Variants in HARS2 observed in about 807,000 individuals in gnomAD.
HARS2 encodes histidine--tRNA ligase, mitochondrial.
A neutral mutation model predicts 62.4 loss-of-function variants in HARS2; 40 were observed. The ratio of observed to expected loss-of-function variants is 0.64; its 90% confidence interval spans 0.50 to 0.83. The LOEUF is 0.83. HARS2 is among the 40% of genes least tolerant of loss of function. HARS2 has a pLI of 0.00. For synonymous variants in HARS2, 228 were observed against 227.0 expected (o/e 1.00, Z -0.04); for missense variants, 569 against 626.4 (o/e 0.91, Z 0.98).
chr5:140,698,382 G>A, intron 12 of HARS2, 111 bp from the exon 13 acceptor site: 1 of 888,350 alleles, frequency 1.1e-6, no homozygotes, highest in Non-Finnish European at 1.9e-6. Context: ...CTCCTTTCTG[G>A]TTGTATAAGT....
intron 12 of HARS2, 127 bp downstream of exon 12, chr5:140,698,205 T>G (rs926609820): frequency 1.0e-6 from 1 of 969,258 alleles, no homozygotes; most frequent in Non-Finnish European, 1.6e-6. Flanking sequence ...GAACAAACAC[T>G]CACTCAAGAT....
chr5:140,698,607 G>C lies in HARS2; in HGVS notation c.*55G>C. The C allele has an allele frequency of 1.5e-6, 2 of 1,329,914 alleles. No individual in the cohort carries two copies. The highest frequency in any genetic ancestry group is 2.2e-6 in the Non-Finnish European group (2 of 920,074). The allele number at this position is 1,329,914 out of a possible 1,614,324, so 82.4% of individuals were successfully genotyped here. On this transcript the variant is annotated 3_prime_UTR_variant, in exon 13 of 13. Transcript: ENST00000230771. ...TGTAGAAAAGGTTTCCTCTAGAACTGAATTCCTCTGGAATTGAGTGATGGA... is the reference window on the plus strand; with the variant it reads ...TGTAGAAAAGGTTTCCTCTAGAACTCAATTCCTCTGGAATTGAGTGATGGA...
rs977456832 is a variant in HARS2 at position 140,691,504 on chromosome 5, G to T, written c.-145G>T. The T allele has an allele frequency of 4.1e-6, 3 of 735,352 alleles. No individual in the cohort carries two copies. The highest frequency in any genetic ancestry group is 4.7e-6 in the Non-Finnish European group (2 of 424,508). 45.6% of individuals were successfully genotyped at this position (735,352 alleles called of 1,614,324 possible). ...TTGGGAGGATCCCACCTCAGCCTTC[G>T]TGACTAGTGAGGTGCGCAAACGCCC... is the stretch of plus-strand genomic sequence containing the variant. On this transcript the variant is annotated 5_prime_UTR_variant, in exon 1 of 13. Coordinates refer to ENST00000230771, the MANE Select transcript of HARS2 (RefSeq NM_012208.4).
At chr5:140,694,991 G>A (rs1759688200) in intron 4 of HARS2, among the ~76,000 whole-genome samples, 1 of 152,108 alleles carries the variant, frequency 6.6e-6, no homozygotes, top group African/African-American at 2.4e-5. Flanking sequence ...TTGTTGCCCA[G>A]GCTGGTTGTA....
intron 1 of HARS2, chr5:140,692,427 T>C (rs1169890111): frequency 1.3e-5 from 2 of 152,556 alleles, no homozygotes; most frequent in Non-Finnish European, 2.9e-5. Context: ...CACAGATCTT[T>C]TATTGATATT....
intron 12 of HARS2, 110 bp downstream of exon 12, chr5:140,698,188 T>C (rs1759834708): frequency 1.8e-6 from 2 of 1,098,880 alleles, no homozygotes; most frequent in Admixed American, 2.0e-5. Flanking sequence ...TTAATAGTGG[T>C]AGAGATGAAC....
Position 140,697,712 on chromosome 5 carries a change from T to C in HARS2, c.1314+27T>C, listed in dbSNP as rs757211523. On this transcript the variant is annotated intron_variant, in intron 11 of 12. Transcript: ENST00000230771. ...TATGGTGGAGCTGATATCTGAGCCA[T>C]CTGGGTATGTGTGGAATTTAGGACC... 5 of 1,502,922 alleles carry C rather than the reference T, an allele frequency of 3.3e-6. No individual in the cohort carries two copies. The South Asian group carries it at 5.6e-5, about 17-fold the overall frequency. The allele number at this position is 1,502,922 out of a possible 1,614,324, so 93.1% of individuals were successfully genotyped here. A position where few individuals can be genotyped will look rare whatever the true frequency, so the allele number is the denominator to read the frequency against.
intron 4 of HARS2, among the ~76,000 whole-genome samples, chr5:140,694,957 T>A (rs7714296): frequency 0.021 from 3,181 of 150,140 alleles, 110 homozygotes; most frequent in African/African-American, 0.074. Context: ...AAAAAAAAAA[T>A]TTTTTTTGTG....
chr5:140,692,062 C>G, intron 1 of HARS2: 1 of 403,722 alleles, frequency 2.5e-6, no homozygotes, highest in East Asian at 4.6e-5. Flanking sequence ...TCCTGAAACT[C>G]TTGGACTCAA....
At position 140,694,228 on chromosome 5, in the gene HARS2, A is replaced by G. The variant is rs748722079; in HGVS notation, c.347A>G (p.Tyr116Cys). 3.1e-6 allele frequency: 5 copies of G among 1,613,858 alleles called. No homozygotes were observed. The African/African-American group carries it at 4.0e-5, about 13-fold the overall frequency. Residue 116 changes from tyrosine to cysteine, a missense_variant, in exon 4 of 13, where the codon TAT becomes TGT. Coordinates refer to ENST00000230771, the MANE Select transcript of HARS2 (RefSeq NM_012208.4). Reference sequence around the variant, plus strand: ...TATGGAGAGGACTCTGGGCTCATGTATGATCTGAAGGATCAAGGTGGAGAG... The same window carrying G: ...TATGGAGAGGACTCTGGGCTCATGTGTGATCTGAAGGATCAAGGTGGAGAG... ...EKYGEDSGLM[Y>C]DLKDQGGELL...
rs778499309 is a variant in HARS2 at position 140,697,189 on chromosome 5, G to C, written c.980G>C (p.Arg327Pro). The C allele has an allele frequency of 1.2e-6, 2 of 1,614,136 alleles. No individual in the cohort carries two copies. Among genetic ancestry groups the C allele is most frequent in the South Asian group, 2.2e-5 (2 of 91,062 alleles). ...ATCTCCTTTGACCTCAGCCTGGCTC[G>C]GGGCCTAGACTACTATACAGGAGTG... Reference protein sequence around the residue: ...DKISFDLSLARGLDYYTGVIY... With the variant: ...DKISFDLSLAPGLDYYTGVIY... Residue 327 changes from arginine to proline, a missense_variant, in exon 10 of 13, where the codon CGG becomes CCG. Transcript: ENST00000230771.
rs1759734770 is a variant in HARS2 at position 140,696,185 on chromosome 5, T to G, written c.716T>G (p.Ile239Arg). The change falls in exon 7 of 13, where the codon ATA becomes AGA. Residue 239 changes from isoleucine (I) to arginine (R), a missense_variant. Physicochemically the swap from Ile to Arg is moderately conservative, Grantham distance 97. Coordinates refer to ENST00000230771, the MANE Select transcript of HARS2 (RefSeq NM_012208.4). ...ESKFRAICSS[I>R]DKLDKMAWKD... ...AAGTTCCGTGCCATCTGCTCCTCCATAGATAAACTAGACAAGGTAACAAAG... is the reference window on the plus strand; with the variant it reads ...AAGTTCCGTGCCATCTGCTCCTCCAGAGATAAACTAGACAAGGTAACAAAG... The G allele has an allele frequency of 6.2e-7, 1 of 1,608,148 alleles. No individual in the cohort carries two copies. Among genetic ancestry groups the G allele is most frequent in the African/African-American group, 1.3e-5 (1 of 74,816 alleles).
Position 140,697,990 on chromosome 5 carries a change from G to A in HARS2, c.1373G>A (p.Ser458Asn), listed in dbSNP as rs1229517662. ...TTAACCCAGCTGCACTATTGTGAGAGCACAGGCATTCCACTGGTGGTCATT... is the reference window on the plus strand; with the variant it reads ...TTAACCCAGCTGCACTATTGTGAGAACACAGGCATTCCACTGGTGGTCATT... ...KLLTQLHYCE[S>N]TGIPLVVIIG... The change falls in exon 12 of 13, where the codon AGC (serine) becomes AAC (asparagine). Residue 458 changes from serine to asparagine, a missense_variant. Coordinates refer to ENST00000230771, the MANE Select transcript of HARS2 (RefSeq NM_012208.4). 1 of 1,613,774 alleles carries A rather than the reference G, an allele frequency of 6.2e-7. No homozygotes were observed. Among genetic ancestry groups the A allele is most frequent in the Admixed American group, 1.7e-5 (1 of 60,022 alleles).
intron 11 of HARS2, 34 bp downstream of exon 11, chr5:140,697,719 ATG>A (rs1156540515): frequency 1.4e-6 from 2 of 1,475,382 alleles, no homozygotes; most frequent in Admixed American, 1.7e-5. Context: ...CCATCTGGGT[ATG>A]TGTGGAATTT....
chr5:140,695,469 T>C (rs746704206), intron 4 of HARS2, 39 bp from the exon 5 acceptor site: 1 of 1,613,088 alleles, frequency 6.2e-7, no homozygotes, highest in Non-Finnish European at 8.5e-7. Context: ...GCCTAATCTT[T>C]GGATGCAGTA....
chr5:140,697,446 A>C, intron 10 of HARS2, 40 bp downstream of exon 10: 1 of 1,613,382 alleles, frequency 6.2e-7, no homozygotes, highest in Non-Finnish European at 8.5e-7. Flanking sequence ...TGGAGACCTA[A>C]AAACCCTCCT....
At position 140,693,489 on chromosome 5, in the gene HARS2, A is replaced by T. The variant is rs1759619688; in HGVS notation, c.109-102A>T. ...ATGGTGCTTTGGCTTCCTGTTGCTC[A>T]GGGTGAAGAGTCTTTGCAGGTTGGT... On this transcript the variant is annotated intron_variant, in intron 1 of 12. Transcript: ENST00000230771. 6.2e-7 allele frequency: 1 copy of T among 1,602,626 alleles called. No individual in the cohort carries two copies. Among genetic ancestry groups the T allele is most frequent in the East Asian group, 2.3e-5 (1 of 43,834 alleles).
intron 4 of HARS2, 135 bp from the exon 5 acceptor site, chr5:140,695,373 G>A (rs1003054286): frequency 8.5e-6 from 8 of 942,558 alleles, no homozygotes; most frequent in South Asian, 1.3e-5. Context: ...GCTAGGCCTT[G>A]GGGATAGTGG....
chr5:140,698,847 C>G lies in HARS2; in HGVS notation c.*295C>G, dbSNP rs929603266. On this transcript the variant is annotated 3_prime_UTR_variant, in exon 13 of 13. Coordinates refer to ENST00000230771, the MANE Select transcript of HARS2 (RefSeq NM_012208.4). ...TTGTCAAGAGGTAGTGAGATTGTTG[C>G]TGTGAGCAAGGCTCTGGGAGAGTCA... The G allele has an allele frequency of 2.2e-6, 1 of 458,126 alleles. No individual in the cohort carries two copies. Among genetic ancestry groups the G allele is most frequent in the Non-Finnish European group, 4.0e-6 (1 of 248,176 alleles). 28.4% of individuals were successfully genotyped at this position (458,126 alleles called of 1,614,324 possible).
Sources: gnomAD v4.1 joint callset for allele counts (sites outside exome capture counted in the v4.1 genomes callset) on GRCh38, gnomAD v4.1.1 for gene constraint, MANE v1.5 for transcripts, NCBI Gene and HGNC (gene_info 2026-07-23, HGNC 2026-07-21) for gene names.